RSPO2: variants seen among roughly 807,000 people sequenced by gnomAD.
The protein encoded by RSPO2 is R-spondin 2, also known as R-spondin-2.
Under a neutral mutation model 30.9 loss-of-function variants are expected in RSPO2, and 14 were observed. That is an observed-to-expected ratio of 0.45 (90% CI 0.30 to 0.71). The LOEUF is 0.71. RSPO2 is among the 30% of genes least tolerant of loss of function. The pLI is 0.08. For synonymous variants in RSPO2, 107 were observed against 96.4 expected (o/e 1.11, Z -0.64); for missense variants, 264 against 301.9 (o/e 0.87, Z 0.93).
chr8:107,918,533 T>C (rs1367628436), intron 5 of RSPO2, among the ~76,000 whole-genome samples: 2 of 152,102 alleles, frequency 1.3e-5, no homozygotes, highest in African/African-American at 2.4e-5. Context: ...CTGTGGTAAC[T>C]AAAGAATATC....
chr8:107,967,606 C>G (rs900198349), intron 3 of RSPO2, among the ~76,000 whole-genome samples: 10 of 152,076 alleles, frequency 6.6e-5, no homozygotes, highest in Admixed American at 6.6e-4. Flanking sequence ...AATGATGACA[C>G]AGAGAACCAG....
At chr8:108,050,690 G>A (rs1462026478) in intron 2 of RSPO2, among the ~76,000 whole-genome samples, 2 of 152,194 alleles carry the variant, frequency 1.3e-5, no homozygotes, top group East Asian at 3.9e-4. Flanking sequence ...ACAGTCTGCA[G>A]GGAAAACGGC....
chr8:107,955,566 T>A (rs1014518279), intron 5 of RSPO2, among the ~76,000 whole-genome samples: 1 of 152,098 alleles, frequency 6.6e-6, no homozygotes, highest in Non-Finnish European at 1.5e-5. Flanking sequence ...TTATTTGATT[T>A]TTTTTAAAAA....
chr8:108,074,965 T>C (rs1812965593), intron 2 of RSPO2, among the ~76,000 whole-genome samples: 1 of 152,200 alleles, frequency 6.6e-6, no homozygotes, highest in African/African-American at 2.4e-5. Context: ...CATCTGTATC[T>C]CTCATGGGTA....
chr8:107,936,940 A>T (rs1338320512), intron 5 of RSPO2, among the ~76,000 whole-genome samples: 1 of 152,080 alleles, frequency 6.6e-6, no homozygotes, highest in Non-Finnish European at 1.5e-5. Flanking sequence ...CTTTCAACAG[A>T]TCGTCTCTTC....
At chr8:107,956,607 G>A (rs1015894769) in intron 5 of RSPO2, among the ~76,000 whole-genome samples, 5 of 152,106 alleles carry the variant, frequency 3.3e-5, no homozygotes, top group Non-Finnish European at 4.4e-5. Context: ...TGGAGGGGAG[G>A]GAAATGTGTT....
At chr8:108,056,704 A>G (rs900058609) in intron 2 of RSPO2, among the ~76,000 whole-genome samples, 2 of 151,696 alleles carry the variant, frequency 1.3e-5, no homozygotes, top group Admixed American at 1.3e-4. Flanking sequence ...GTAAATGCTC[A>G]ATAAGTGATT....
At chr8:108,079,488 A>G (rs1213233611) in intron 2 of RSPO2, among the ~76,000 whole-genome samples, 1 of 152,204 alleles carries the variant, frequency 6.6e-6, no homozygotes, top group Non-Finnish European at 1.5e-5. Context: ...GAAATAAAAT[A>G]TACCGTTAAA....
intron 5 of RSPO2, among the ~76,000 whole-genome samples, chr8:107,915,809 A>C (rs373047850): frequency 2.4e-3 from 371 of 152,194 alleles, no homozygotes; most frequent in African/African-American, 8.5e-3. Context: ...AAAAATGTTA[A>C]TTTGGTTCCC....
At chr8:107,971,360 T>A (rs959434997) in intron 3 of RSPO2, among the ~76,000 whole-genome samples, 18 of 152,328 alleles carry the variant, frequency 1.2e-4, no homozygotes, top group Admixed American at 3.3e-4. Context: ...AAAAATCATA[T>A]AGCCAACTTT....
chr8:108,072,241 TA>T (rs1299303061), intron 2 of RSPO2, among the ~76,000 whole-genome samples: 1 of 150,896 alleles, frequency 6.6e-6, no homozygotes, highest in African/African-American at 2.4e-5. Context: ...CATTCAACAT[TA>T]AAAGCCTGCT....
intron 2 of RSPO2, among the ~76,000 whole-genome samples, chr8:108,056,773 G>C (rs893404413): frequency 6.6e-6 from 1 of 151,148 alleles, no homozygotes; most frequent in African/African-American, 2.4e-5. Flanking sequence ...AAAAAGATGT[G>C]GGCCAGGCAT....
In RSPO2 at chr8:107,998,776, G is replaced by T. The variant is rs570890183; in HGVS notation, c.95-9532C>A. Among the ~76,000 whole-genome samples the T allele has an allele frequency of 2.1e-3, 325 of 152,232 alleles. 1 individual carries two copies. The highest frequency in any genetic ancestry group is 4.1e-3 in the Admixed American group (63 of 15,280). ...AAACTGTATTTATGGCCAGGCAATG[G>T]TGGCTCACGTCTGTAATCCCAGCAC... is the stretch of plus-strand genomic sequence containing the variant. On this transcript the variant is annotated intron_variant, in intron 2 of 5. Coordinates refer to ENST00000276659, the MANE Select transcript of RSPO2 (RefSeq NM_178565.5).
At chr8:107,974,831 A>G (rs1814154089) in intron 3 of RSPO2, among the ~76,000 whole-genome samples, 1 of 113,516 alleles carries the variant, frequency 8.8e-6, no homozygotes, top group Non-Finnish European at 1.9e-5. Flanking sequence ...CAGGATTGTG[A>G]ACACACACAT....
intron 5 of RSPO2, among the ~76,000 whole-genome samples, chr8:107,921,657 G>T (rs1449058918): frequency 6.6e-6 from 1 of 151,732 alleles, no homozygotes; most frequent in African/African-American, 2.4e-5. Context: ...AGAAAAAAGA[G>T]AAAACTTCCA....
intron 2 of RSPO2, among the ~76,000 whole-genome samples, chr8:108,026,008 TG>T (rs1313991684): frequency 6.6e-6 from 1 of 152,180 alleles, no homozygotes; most frequent in Non-Finnish European, 1.5e-5. Flanking sequence ...CTTATTCCGC[TG>T]GGAAATCTAG....
At chr8:107,996,118 G>A (rs1327087888) in intron 2 of RSPO2, among the ~76,000 whole-genome samples, 1 of 152,106 alleles carries the variant, frequency 6.6e-6, no homozygotes, top group East Asian at 1.9e-4. Context: ...GTAAAAAATT[G>A]AGGGAGATGG....
chr8:107,983,990 G>A (rs894070728), intron 3 of RSPO2: 63 of 732,096 alleles, frequency 8.6e-5, no homozygotes, highest in Admixed American at 1.2e-4. Flanking sequence ...GCCACCAAAA[G>A]GGGAAAAGAG....
At chr8:108,070,781 G>A (rs1271418843) in intron 2 of RSPO2, among the ~76,000 whole-genome samples, 1 of 152,196 alleles carries the variant, frequency 6.6e-6, no homozygotes, top group Non-Finnish European at 1.5e-5. Flanking sequence ...ACTCTCACGA[G>A]ATGCTCTCTG....
Sources: gnomAD v4.1 joint callset for allele counts (sites outside exome capture counted in the v4.1 genomes callset) on GRCh38, gnomAD v4.1.1 for gene constraint, MANE v1.5 for transcripts, NCBI Gene and HGNC (gene_info 2026-07-23, HGNC 2026-07-21) for gene names.